Variants in CACNA2D3 observed in about 807,000 individuals in gnomAD.
CACNA2D3 encodes calcium voltage-gated channel auxiliary subunit alpha2delta 3.
In CACNA2D3, 60 loss-of-function variants were observed where a neutral mutation model predicts 160.6. The observed-to-expected ratio is 0.37, with a 90% CI of 0.30 to 0.46. The LOEUF (loss-of-function observed/expected upper bound fraction) is 0.46, where lower values mean the gene tolerates loss of function less well. Ranked by LOEUF, CACNA2D3 falls within the 20% of genes least tolerant of loss-of-function variation. The pLI is 1.00. For missense variants in CACNA2D3, 1,205 were observed against 1,365.0 expected (o/e 0.88, Z 1.85); for synonymous variants, 558 against 492.9 (o/e 1.13, Z -1.75).
chr3:54,537,831 G>A (rs970640102), intron 5 of CACNA2D3, among the ~76,000 whole-genome samples: 2 of 151,838 alleles, frequency 1.3e-5, no homozygotes, highest in African/African-American at 4.8e-5. Context: ...ACCTGAGCTG[G>A]GCACCATGTC....
rs568499385 is a variant in CACNA2D3 at position 54,491,011 on chromosome 3, A to G, written c.382-12481A>G. ...CAGATGAGGAGACTGAGGCACATATAAGGAATATATACGTATCTCATTATC... is the reference window on the plus strand; with the variant it reads ...CAGATGAGGAGACTGAGGCACATATGAGGAATATATACGTATCTCATTATC... On this transcript the variant is annotated intron_variant, in intron 4 of 37. Coordinates refer to ENST00000474759, the MANE Select transcript of CACNA2D3 (RefSeq NM_018398.3). Among the ~76,000 whole-genome samples, 10 of 152,276 alleles carry G rather than the reference A, an allele frequency of 6.6e-5. No individual in the cohort carries two copies. In the East Asian group the frequency reaches 1.5e-3, roughly 24 times the overall value.
chr3:54,347,236 G>A (rs1196346419), intron 3 of CACNA2D3, among the ~76,000 whole-genome samples: 1 of 152,228 alleles, frequency 6.6e-6, no homozygotes, highest in Non-Finnish European at 1.5e-5. Context: ...AGGAGCTGCA[G>A]GGAGGGAGTG....
intron 3 of CACNA2D3, among the ~76,000 whole-genome samples, chr3:54,328,586 G>A (rs1258818992): frequency 1.3e-5 from 2 of 152,110 alleles, no homozygotes; most frequent in South Asian, 2.1e-4. Context: ...CTGGCCTCAA[G>A]TTATTTTCTT....
At chr3:54,193,430 GTC>G (rs1701017477) in intron 2 of CACNA2D3, among the ~76,000 whole-genome samples, 1 of 152,132 alleles carries the variant, frequency 6.6e-6, no homozygotes, top group African/African-American at 2.4e-5. Context: ...CTTCTCCTCT[GTC>G]TCTGACAGTG....
chr3:54,874,615 C>A (rs1222557606), intron 18 of CACNA2D3: 1 of 134,970 alleles, frequency 7.4e-6, no homozygotes. Context: ...CATGAGTGAA[C>A]TTATTTATTT....
chr3:54,945,269 C>G (rs1701583934), intron 27 of CACNA2D3, among the ~76,000 whole-genome samples: 1 of 152,132 alleles, frequency 6.6e-6, no homozygotes, highest in Non-Finnish European at 1.5e-5. Flanking sequence ...TTGATACCTG[C>G]TAGTATTGTG....
intron 9 of CACNA2D3, among the ~76,000 whole-genome samples, chr3:54,618,344 G>GATAC (rs750547637): frequency 0.014 from 343 of 24,262 alleles, 9 homozygotes; most frequent in East Asian, 0.054. Flanking sequence ...AATTGATGTT[G>GATAC]ATACATACAT....
intron 29 of CACNA2D3, among the ~76,000 whole-genome samples, chr3:54,979,039 T>C (rs1316405411): frequency 6.6e-6 from 1 of 152,240 alleles, no homozygotes; most frequent in East Asian, 1.9e-4. Context: ...TTGTCTTTGA[T>C]GAAATTTTGT....
chr3:54,510,786 A>G (rs1701447050), intron 5 of CACNA2D3, among the ~76,000 whole-genome samples: 1 of 152,164 alleles, frequency 6.6e-6, no homozygotes, highest in Non-Finnish European at 1.5e-5. Context: ...TTGAGCATTA[A>G]AGAAAGTGAA....
At chr3:54,287,370 A>G (rs956227487) in intron 2 of CACNA2D3, among the ~76,000 whole-genome samples, 2 of 151,950 alleles carry the variant, frequency 1.3e-5, no homozygotes, top group African/African-American at 4.8e-5. Context: ...CAACAAGAAG[A>G]GCTAACTATC....
At chr3:54,840,636 C>T (rs1352020101) in intron 16 of CACNA2D3, among the ~76,000 whole-genome samples, 1 of 151,068 alleles carries the variant, frequency 6.6e-6, no homozygotes, top group African/African-American at 2.4e-5. Flanking sequence ...GTCTTGAACT[C>T]CTGACTTGGT....
chr3:54,711,337 TCACCCGGA>T (rs1700948484), intron 11 of CACNA2D3, among the ~76,000 whole-genome samples: 1 of 152,166 alleles, frequency 6.6e-6, no homozygotes. Context: ...CAAACATCTG[TCACCCGGA>T]GACAGAGCAG....
At chr3:54,970,247 CTG>C (rs1414456138) in intron 29 of CACNA2D3, among the ~76,000 whole-genome samples, 2 of 152,102 alleles carry the variant, frequency 1.3e-5, no homozygotes, top group Non-Finnish European at 2.9e-5. Context: ...ATAAGAAAAA[CTG>C]AGCATCAGAG....
intron 11 of CACNA2D3, among the ~76,000 whole-genome samples, chr3:54,707,543 A>G (rs1418390906): frequency 1.3e-5 from 2 of 152,244 alleles, no homozygotes; most frequent in Non-Finnish European, 1.5e-5. Flanking sequence ...ATGGTTTCAG[A>G]TTGACATTGG....
At chr3:54,340,738 TC>T (rs1704499244) in intron 3 of CACNA2D3, among the ~76,000 whole-genome samples, 1 of 152,210 alleles carries the variant, frequency 6.6e-6, no homozygotes, top group South Asian at 2.1e-4. Flanking sequence ...GTCCATTTTT[TC>T]CCCTTTCTGT....
chr3:54,351,722 T>C (rs1698568141), intron 3 of CACNA2D3, among the ~76,000 whole-genome samples: 1 of 152,220 alleles, frequency 6.6e-6, no homozygotes, highest in Non-Finnish European at 1.5e-5. Context: ...CCTCTCTGCC[T>C]ACCACCCTAT....
intron 26 of CACNA2D3, among the ~76,000 whole-genome samples, chr3:54,898,101 CCTTTCTTTCTTTTTT>C (rs1418500683): frequency 6.8e-6 from 1 of 146,360 alleles, no homozygotes; most frequent in African/African-American, 2.5e-5. Flanking sequence ...TTCCTTCCTT[CCTTTCTTTCTTTTTT>C]CTTTCTTTCT....
At chr3:54,464,274 G>T (rs190860928) in intron 4 of CACNA2D3, among the ~76,000 whole-genome samples, 1 of 152,156 alleles carries the variant, frequency 6.6e-6, no homozygotes, top group Non-Finnish European at 1.5e-5. Flanking sequence ...CTCCAGCTGC[G>T]TGCTGGGAGA....
At chr3:54,321,345 A>G (rs951343736) in intron 3 of CACNA2D3, among the ~76,000 whole-genome samples, 1 of 151,316 alleles carries the variant, frequency 6.6e-6, no homozygotes, top group Admixed American at 6.6e-5. Flanking sequence ...TTTTTAAGAG[A>G]TGTGTTGCCC....
Sources: gnomAD v4.1 joint callset for allele counts (sites outside exome capture counted in the v4.1 genomes callset) on GRCh38, gnomAD v4.1.1 for gene constraint, MANE v1.5 for transcripts, NCBI Gene and HGNC (gene_info 2026-07-23, HGNC 2026-07-21) for gene names.